Variants in TUT4 observed in about 807,000 individuals in gnomAD.
TUT4 encodes terminal uridylyl transferase 4, also known as terminal uridylyltransferase 4.
Under a neutral mutation model 192.2 loss-of-function variants are expected in TUT4, and 36 were observed. The observed-to-expected ratio is 0.19, with a 90% CI of 0.14 to 0.25. TUT4 has a LOEUF of 0.25. TUT4 is among the 10% of genes least tolerant of loss of function. The pLI, the probability that TUT4 is intolerant of heterozygous loss-of-function variation, is 1.00. For missense variants in TUT4, 1,493 were observed against 1,957.2 expected, an observed-to-expected ratio of 0.76 and a Z score of 4.47; for synonymous variants, 618 against 666.0, an observed-to-expected ratio of 0.93 and a Z score of 1.11.
chr1:52,519,909 C>T (rs573289346), intron 2 of TUT4, among the ~76,000 whole-genome samples: 1 of 151,718 alleles, frequency 6.6e-6, no homozygotes, highest in East Asian at 1.9e-4. Flanking sequence ...ATCCCAGCTA[C>T]TTGGGAGGCT....
chr1:52,424,088 C>G, intron 29 of TUT4, 86 bp from the exon 30 acceptor site: 1 of 1,363,886 alleles, frequency 7.3e-7, no homozygotes, highest in South Asian at 1.3e-5. Flanking sequence ...AGTTAGCTTT[C>G]TTTTTTTCTA....
At position 52,475,020 on chromosome 1, in the gene TUT4, A is replaced by G. The variant is rs760943266; in HGVS notation, c.2539T>C (p.Ser847Pro). The G allele has an allele frequency of 6.2e-7, 1 of 1,614,178 alleles. No homozygotes were observed. Among genetic ancestry groups the G allele is most frequent in the Non-Finnish European group, 8.5e-7 (1 of 1,180,020 alleles). ...TTTGACCTGCAGTCTGTTCCAGTAG[A>G]TTTATCTGGGTCAGGCGACTTAGAC... ...DLSKSPDPDKSTGTDCRSNLE... is the reference protein window; with the variant it reads ...DLSKSPDPDKPTGTDCRSNLE... The change falls in exon 13 of 30, where the codon TCT becomes CCT. Residue 847 changes from serine to proline, a missense_variant. Transcript: ENST00000257177.
chr1:52,482,219 T>C (rs1378333437), intron 9 of TUT4, among the ~76,000 whole-genome samples: 1 of 152,218 alleles, frequency 6.6e-6, no homozygotes, highest in Non-Finnish European at 1.5e-5. Context: ...TGCCTCTACT[T>C]CTACTTCAAT....
chr1:52,523,262 G>A (rs137866097), intron 2 of TUT4, among the ~76,000 whole-genome samples: 1 of 151,312 alleles, frequency 6.6e-6, no homozygotes, highest in East Asian at 2.0e-4. Context: ...CAAAGTGCTG[G>A]GATTACAGGC....
At chr1:52,439,622 A>G (rs1328790406) in intron 24 of TUT4, among the ~76,000 whole-genome samples, 1 of 152,234 alleles carries the variant, frequency 6.6e-6, no homozygotes, top group Non-Finnish European at 1.5e-5. Context: ...CTTTAAAAAG[A>G]CAATAACAAG....
At chr1:52,448,804 C>G (rs1658412801) in intron 20 of TUT4, among the ~76,000 whole-genome samples, 1 of 151,882 alleles carries the variant, frequency 6.6e-6, no homozygotes, top group Admixed American at 6.6e-5. Context: ...TCTTTAGAAC[C>G]CTGTTTTGAG....
intron 20 of TUT4, among the ~76,000 whole-genome samples, chr1:52,448,588 C>CAAAAAAAAAAAAAAAAAA: frequency 2.5e-5 from 1 of 40,810 alleles, no homozygotes; most frequent in Non-Finnish European, 4.8e-5. Context: ...GATTCTGTCT[C>CAAAAAAAAAAAAAAAAAA]AAAAAAAAAA....
intron 3 of TUT4, among the ~76,000 whole-genome samples, chr1:52,511,818 G>A (rs978418386): frequency 2.0e-5 from 3 of 152,190 alleles, no homozygotes; most frequent in Non-Finnish European, 2.9e-5. Flanking sequence ...AGGTTTATGA[G>A]CAGAGAATTA....
chr1:52,493,023 T>C (rs1419043884), intron 7 of TUT4, among the ~76,000 whole-genome samples: 1 of 152,190 alleles, frequency 6.6e-6, no homozygotes, highest in South Asian at 2.1e-4. Context: ...ATGCCCATAA[T>C]ATTCAAAGCA....
At chr1:52,435,583 T>G in intron 26 of TUT4, 118 bp from the exon 27 acceptor site, 1 of 785,138 alleles carries the variant, frequency 1.3e-6, no homozygotes, top group Non-Finnish European at 2.1e-6. Context: ...TTTATAAACT[T>G]GGACTTTTAA....
In TUT4 at chr1:52,435,544, T is replaced by C. The variant is rs1284498887; in HGVS notation, c.4163-79A>G. On this transcript the variant is annotated intron_variant, in intron 26 of 29. Coordinates refer to ENST00000257177, the MANE Select transcript of TUT4 (RefSeq NM_001009881.3). ...TGACAATAAATAAACTCCCTTCTTATGTAAAAGAATCTCAAATATCTCTGC... is the reference window on the plus strand; with the variant it reads ...TGACAATAAATAAACTCCCTTCTTACGTAAAAGAATCTCAAATATCTCTGC... 4.7e-6 allele frequency: 5 copies of C among 1,069,378 alleles called. No homozygotes were observed. The Admixed American group carries it at 6.2e-5, about 13-fold the overall frequency. The allele number at this position is 1,069,378 out of a possible 1,614,324, so 66.2% of individuals were successfully genotyped here. A position where few individuals can be genotyped will look rare whatever the true frequency, so the allele number is the denominator to read the frequency against.
At chr1:52,460,133 G>A (rs754029119) in intron 19 of TUT4, among the ~76,000 whole-genome samples, 2 of 152,168 alleles carry the variant, frequency 1.3e-5, no homozygotes, top group Non-Finnish European at 2.9e-5. Flanking sequence ...CTTGTATGTA[G>A]TATGTGCCTC....
intron 4 of TUT4, among the ~76,000 whole-genome samples, chr1:52,502,223 C>T (rs1674331910): frequency 6.6e-6 from 1 of 151,966 alleles, no homozygotes; most frequent in Admixed American, 6.6e-5. Flanking sequence ...ATTTTGGTCT[C>T]AATTTGCATT....
intron 5 of TUT4, 106 bp from the exon 6 acceptor site, chr1:52,495,621 T>C (rs1672257803): frequency 1.5e-6 from 1 of 671,204 alleles, no homozygotes. Context: ...ACGTCTTCCA[T>C]TTCTAGTAAG....
intron 2 of TUT4, among the ~76,000 whole-genome samples, chr1:52,521,634 C>T (rs1339820608): frequency 6.6e-6 from 1 of 151,870 alleles, no homozygotes; most frequent in Non-Finnish European, 1.5e-5. Flanking sequence ...CACTGCACTC[C>T]AGCCTGGGTG....
chr1:52,435,312 A>G, intron 27 of TUT4, 53 bp downstream of exon 27: 1 of 1,431,524 alleles, frequency 7.0e-7, no homozygotes, highest in Non-Finnish European at 9.8e-7. Context: ...TCACCCATTA[A>G]AGATACTGCT....
In TUT4 at chr1:52,436,770, T is replaced by A; in HGVS notation, c.4147A>T (p.Asn1383Tyr). The change falls in exon 26 of 30, where the codon AAT becomes TAT. Residue 1383 changes from asparagine to tyrosine, a missense_variant. Asn to Tyr is a moderately radical substitution (Grantham distance 143, BLOSUM62 -2). This residue lies in a region of TUT4 where 351 missense variants were observed against 397.8 expected (regional missense o/e 0.88). Coordinates refer to ENST00000257177, the MANE Select transcript of TUT4 (RefSeq NM_001009881.3). ...TTCTATTTACCTGCCACACTGCTAT[T>A]CCTCTGACGGGCCAGCTTGACCTCT... ...CPEVKLARQR[N>Y]SSVAAAQLVR... is the part of the protein sequence containing the mutation. 6.2e-7 allele frequency: 1 copy of A among 1,613,580 alleles called. No individual in the cohort carries two copies.
intron 29 of TUT4, chr1:52,424,620 A>G (rs556950850): frequency 3.0e-4 from 45 of 152,422 alleles, no homozygotes; most frequent in African/African-American, 9.9e-4. Flanking sequence ...CAAGTAGGTT[A>G]GATAAAATGC....
intron 20 of TUT4, among the ~76,000 whole-genome samples, chr1:52,449,448 G>A (rs1458223250): frequency 6.6e-6 from 1 of 152,086 alleles, no homozygotes; most frequent in African/African-American, 2.4e-5. Flanking sequence ...ACAGGCATAT[G>A]CCACCATGCC....
Sources: gnomAD v4.1 joint callset for allele counts (sites outside exome capture counted in the v4.1 genomes callset) on GRCh38, gnomAD v4.1.1 for gene constraint, gnomAD v4.1.1 regional missense constraint, MANE v1.5 for transcripts, NCBI Gene and HGNC (gene_info 2026-07-23, HGNC 2026-07-21) for gene names.